PTH1R: variants seen among roughly 807,000 people sequenced by gnomAD.
The protein encoded by PTH1R is parathyroid hormone 1 receptor.
In PTH1R, 32 loss-of-function variants were observed where a neutral mutation model predicts 70.7. The ratio of observed to expected loss-of-function variants is 0.45; its 90% CI spans 0.34 to 0.61. The LOEUF is 0.61. PTH1R is among the 20% of genes least tolerant of loss of function. PTH1R has a pLI of 0.01. For missense variants in PTH1R, 626 were observed against 792.5 expected (o/e 0.79, Z 2.52); for synonymous variants, 329 against 324.8 (o/e 1.01, Z -0.14).
Position 46,884,673 on chromosome 3 carries a change from G to A in PTH1R, c.75+1039G>A, listed in dbSNP as rs891225569. ...TGCCTGCTAGAGAGCAGGGCAGTCA[G>A]GCAGCCTCCTCCTCCTGACCAGCAG... On this transcript the variant is annotated intron_variant, in intron 3 of 15. Coordinates refer to ENST00000449590, the MANE Select transcript of PTH1R (RefSeq NM_000316.3). The surrounding 1 kb of genome is among the most constrained non-coding windows in gnomAD (Gnocchi z 4.8). Among the ~76,000 whole-genome samples the A allele has an allele frequency of 1.3e-5, 2 of 152,126 alleles. No homozygotes were observed. Among genetic ancestry groups the A allele is most frequent in the Non-Finnish European group, 2.9e-5 (2 of 68,006 alleles).
At position 46,895,733 on chromosome 3, in the gene PTH1R, A is replaced by T; in HGVS notation, c.179-2A>T. 1 of 1,614,146 alleles carries T rather than the reference A, an allele frequency of 6.2e-7. No homozygotes were observed. Among genetic ancestry groups the T allele is most frequent in the Non-Finnish European group, 8.5e-7 (1 of 1,180,016 alleles). On this transcript the variant is annotated splice_acceptor_variant, in intron 4 of 15. Transcript: ENST00000449590. LOFTEE classifies it high-confidence loss of function. ...CCATCATTACCACCCTGGTTTCTCCAGCCAGCATAATGGAATCAGACAAGG... is the reference window on the plus strand; with the variant it reads ...CCATCATTACCACCCTGGTTTCTCCTGCCAGCATAATGGAATCAGACAAGG...
Position 46,901,916 on chromosome 3 carries a change from ACCATGTACC to A in PTH1R, c.1211+60_1211+68del. On this transcript the variant is annotated intron_variant, in intron 13 of 15. Transcript: ENST00000449590. The surrounding 1 kb of genome is among the most constrained non-coding windows in gnomAD (Gnocchi z 7.3). The stretch of plus-strand genomic sequence containing the variant: ...TCCTCAGGGGTCCCTGAGTCCTGGT[ACCATGTACC>A]CCAGGAAAGACAGTGGCCCCATGAA... The A allele has an allele frequency of 6.7e-7, 1 of 1,484,634 alleles. No individual in the cohort carries two copies. The highest frequency in any genetic ancestry group is 1.1e-5 in the South Asian group (1 of 88,108). 92.0% of individuals were successfully genotyped at this position (1,484,634 alleles called of 1,614,324 possible).
intron 9 of PTH1R, 107 bp from the exon 10 acceptor site, chr3:46,899,196 G>C: frequency 6.7e-7 from 1 of 1,495,928 alleles, no homozygotes; most frequent in Non-Finnish European, 9.2e-7. Context: ...TTCCTGGCCT[G>C]TTTGGCCGGC....
Position 46,894,346 on chromosome 3 carries a change from C to T in PTH1R, c.178+337C>T, listed in dbSNP as rs574629345. Among the ~76,000 whole-genome samples, 4 of 152,294 alleles carry T rather than the reference C, an allele frequency of 2.6e-5. No individual in the cohort carries two copies. In the East Asian group the frequency reaches 7.7e-4, roughly 29 times the overall value. On this transcript the variant is annotated intron_variant, in intron 4 of 15. Transcript: ENST00000449590. ...GGAGCCGCTTCCTCCCCTGACAAGC[C>T]CTTAGGGTTCTGCAGGGGTTGAGGC... is the stretch of plus-strand genomic sequence containing the variant.
Position 46,883,232 on chromosome 3 carries a change from T to G in PTH1R, c.-48-280T>G. On this transcript the variant is annotated intron_variant, in intron 2 of 15. Transcript: ENST00000449590. The surrounding 1 kb of genome is among the most constrained non-coding windows in gnomAD (Gnocchi z 6.4). The stretch of plus-strand genomic sequence containing the variant: ...GGGCCGGGGGCGGGGGGCCCGGCCA[T>G]ATGGATGTGATTTCTTCGCTCCGAG... The G allele has an allele frequency of 3.0e-4, 60 of 197,738 alleles. No individual in the cohort carries two copies. The highest frequency in any genetic ancestry group is 7.1e-4 in the East Asian group (6 of 8,508). The allele number at this position is 197,738 out of a possible 1,614,324, so 12.2% of individuals were successfully genotyped here.
At chr3:46,887,456 G>GAAAAA (rs771034289) in intron 3 of PTH1R, among the ~76,000 whole-genome samples, 1 of 63,942 alleles carries the variant, frequency 1.6e-5, no homozygotes, top group African/African-American at 5.5e-5. Context: ...CCCTGTCTCT[G>GAAAAA]AAAAAAAAAA....
chr3:46,897,468 A>G (rs984252785), intron 5 of PTH1R, among the ~76,000 whole-genome samples: 1 of 152,242 alleles, frequency 6.6e-6, no homozygotes, highest in Non-Finnish European at 1.5e-5. Flanking sequence ...GCAGTGGCTC[A>G]TGCCTGTAAT....
chr3:46,878,794 G>A (rs1307524966), intron 1 of PTH1R, among the ~76,000 whole-genome samples: 4 of 152,132 alleles, frequency 2.6e-5, no homozygotes, highest in Admixed American at 2.6e-4. Context: ...ACACCAGCAG[G>A]GGTGGGGCCA....
Position 46,903,184 on chromosome 3 carries a change from ATTCC to A in PTH1R, c.1396-85_1396-82del. On this transcript the variant is annotated intron_variant, in intron 15 of 15. Transcript: ENST00000449590. The surrounding 1 kb of genome is among the most constrained non-coding windows in gnomAD (Gnocchi z 4.4). ...CCAGGAGTCCCCTATTCCCATTTTC[ATTCC>A]GTGCTGGGTGTCCAGGGGCCGGGAT... 3.2e-6 allele frequency: 5 copies of A among 1,574,242 alleles called. No individual in the cohort carries two copies. The highest frequency in any genetic ancestry group is 4.3e-6 in the Non-Finnish European group (5 of 1,162,074).
Position 46,892,836 on chromosome 3 carries a change from C to T in PTH1R, c.76-1071C>T. The T allele has an allele frequency of 2.0e-6, 2 of 980,822 alleles. No individual in the cohort carries two copies. The highest frequency in any genetic ancestry group is 1.2e-6 in the Non-Finnish European group (1 of 825,636). 60.8% of individuals were successfully genotyped at this position (980,822 alleles called of 1,614,324 possible). A position where few individuals can be genotyped will look rare whatever the true frequency, so the allele number is the denominator to read the frequency against. Reference sequence around the variant, plus strand: ...CTGGGGTAGGGATGGAGGGGGTCGTCTCAGGGGACATACCCCTGCCCAGGG... The same window carrying T: ...CTGGGGTAGGGATGGAGGGGGTCGTTTCAGGGGACATACCCCTGCCCAGGG... On this transcript the variant is annotated intron_variant, in intron 3 of 15. Transcript: ENST00000449590. The surrounding 1 kb of genome is among the most constrained non-coding windows in gnomAD (Gnocchi z 5.2).
Position 46,903,630 on chromosome 3 carries a change from C to T in PTH1R, c.1756C>T (p.Gln586Ter). ...SGPERPPALL[Q>*]EEWETVM ...GCCTGAGCGGCCACCTGCCCTGCTA[C>T]AGGAAGAGTGGGAGACAGTCATGTG... Residue 586 changes from glutamine to a stop codon, truncating the protein, a stop_gained, in exon 16 of 16, where the codon CAG becomes TAG. Coordinates refer to ENST00000449590, the MANE Select transcript of PTH1R (RefSeq NM_000316.3). LOFTEE classifies it high-confidence loss of function. This position sits in a 1 kb window ranked among gnomAD's most constrained non-coding sequence, Gnocchi z 4.4. 6.2e-7 allele frequency: 1 copy of T among 1,611,632 alleles called. No homozygotes were observed. The highest frequency in any genetic ancestry group is 8.5e-7 in the Non-Finnish European group (1 of 1,180,010).
chr3:46,898,916 C>T, intron 9 of PTH1R, 59 bp downstream of exon 9: 1 of 1,237,506 alleles, frequency 8.1e-7, no homozygotes, highest in Non-Finnish European at 1.1e-6. Flanking sequence ...GGGGCCCCGC[C>T]CCGCCCCGCT....
Position 46,901,837 on chromosome 3 carries a change from G to T in PTH1R, c.1188G>T (p.Arg396=), listed in dbSNP as rs1259599317. 3.1e-6 allele frequency: 5 copies of T among 1,613,752 alleles called. No individual in the cohort carries two copies. In the African/African-American group the frequency reaches 4.0e-5, roughly 13 times the overall value. Residue 396 remains arginine, a synonymous_variant, in exon 13 of 16, where the codon CGG becomes CGT. Coordinates refer to ENST00000449590, the MANE Select transcript of PTH1R (RefSeq NM_000316.3). This position sits in a 1 kb window ranked among gnomAD's most constrained non-coding sequence, Gnocchi z 7.3. ...AGCTGCGGGAGACCAACGCCGGCCG[G>T]TGTGACACACGGCAGCAGTACCGGT... ...ATKLRETNAG[R]CDTRQQYRKL... is the part of the protein sequence containing the mutation.
intron 7 of PTH1R, 66 bp from the exon 8 acceptor site, chr3:46,898,312 T>C (rs2031879157): frequency 1.3e-6 from 2 of 1,585,920 alleles, no homozygotes; most frequent in East Asian, 2.2e-5. Flanking sequence ...CCTGGCCTCT[T>C]GCTCTTACCC....
intron 1 of PTH1R, among the ~76,000 whole-genome samples, chr3:46,880,769 T>TCGC (rs1234357246): frequency 7.3e-6 from 1 of 137,632 alleles, no homozygotes; most frequent in African/African-American, 3.5e-5. Flanking sequence ...AAGAAGAAAG[T>TCGC]AGCAGCAGAA....
chr3:46,893,282 AG>A lies in PTH1R; in HGVS notation c.76-624del, dbSNP rs1333023685. ...GGGACTCCCACCCCCAGCCAGCACCAGAGTGCCCAGCCCAACCCAGGCCGCA... is the reference window on the plus strand; with the variant it reads ...GGGACTCCCACCCCCAGCCAGCACCAAGTGCCCAGCCCAACCCAGGCCGCA... On this transcript the variant is annotated intron_variant, in intron 3 of 15. Transcript: ENST00000449590. This position sits in a 1 kb window ranked among gnomAD's most constrained non-coding sequence, Gnocchi z 5.2. Among the ~76,000 whole-genome samples, 4 of 152,244 alleles carry A rather than the reference AG, an allele frequency of 2.6e-5. No individual in the cohort carries two copies. The highest frequency in any genetic ancestry group is 7.2e-5 in the African/African-American group (3 of 41,528).
At chr3:46,888,532 G>T (rs929429074) in intron 3 of PTH1R, among the ~76,000 whole-genome samples, 1 of 152,208 alleles carries the variant, frequency 6.6e-6, no homozygotes, top group African/African-American at 2.4e-5. Context: ...AAAAAGAAAA[G>T]GTGGGGCGAG....
intron 4 of PTH1R, among the ~76,000 whole-genome samples, chr3:46,895,139 G>A (rs1228309328): frequency 6.6e-6 from 1 of 150,716 alleles, no homozygotes; most frequent in Non-Finnish European, 1.5e-5. Context: ...GAGAGGCCAG[G>A]CTCCATCTCA....
intron 7 of PTH1R, 76 bp downstream of exon 7, chr3:46,898,268 T>A (rs1258614912): frequency 1.3e-6 from 2 of 1,574,212 alleles, no homozygotes; most frequent in Non-Finnish European, 1.7e-6. Context: ...GACCCAGCCC[T>A]GACCCCTGAC....
Sources: gnomAD v4.1 joint callset for allele counts (sites outside exome capture counted in the v4.1 genomes callset) on GRCh38, gnomAD v4.1.1 for gene constraint, Gnocchi (gnomAD v3.1) non-coding constraint, MANE v1.5 for transcripts, NCBI Gene and HGNC (gene_info 2026-07-23, HGNC 2026-07-21) for gene names.